USP46: variants seen among roughly 807,000 people sequenced by gnomAD.
USP46 encodes ubiquitin specific peptidase 46.
USP46 carries 12 observed loss-of-function variants against 44.4 expected under a neutral mutation model. The ratio of observed to expected loss-of-function variants is 0.27; its 90% CI spans 0.17 to 0.44. The LOEUF (loss-of-function observed/expected upper bound fraction) is 0.44, where lower values mean the gene tolerates loss of function less well. Ranked by LOEUF, USP46 falls within the 20% of genes least tolerant of loss-of-function variation. The probability of loss-of-function intolerance (pLI) is 1.00; values close to 1 mark genes in which losing one functional copy is unlikely to be tolerated. For synonymous variants in USP46, 155 were observed against 161.5 expected (o/e 0.96, Z 0.31); for missense variants, 248 against 444.8 (o/e 0.56, Z 3.98).
chr4:52,639,398 G>A (rs1007179372), intron 1 of USP46, among the ~76,000 whole-genome samples: 35 of 152,116 alleles, frequency 2.3e-4, no homozygotes, highest in African/African-American at 7.5e-4. Context: ...TTGAGGACTC[G>A]GGGTCCTTTT....
intron 4 of USP46, among the ~76,000 whole-genome samples, chr4:52,619,324 A>T (rs1717290369): frequency 6.6e-6 from 1 of 152,178 alleles, no homozygotes; most frequent in African/African-American, 2.4e-5. Context: ...AGAAAAAGAA[A>T]ATCATTGTTT....
intron 4 of USP46, among the ~76,000 whole-genome samples, chr4:52,611,331 A>G (rs556758620): frequency 2.0e-5 from 3 of 152,236 alleles, no homozygotes; most frequent in East Asian, 1.9e-4. Context: ...CTCACTCCAC[A>G]CTAATTCTAG....
At chr4:52,645,422 G>T (rs1718515937) in intron 1 of USP46, among the ~76,000 whole-genome samples, 1 of 152,080 alleles carries the variant, frequency 6.6e-6, no homozygotes. Context: ...TATATTTAGA[G>T]ATAACAAAAT....
intron 4 of USP46, among the ~76,000 whole-genome samples, chr4:52,619,331 G>C (rs1227643217): frequency 6.6e-6 from 1 of 151,912 alleles, no homozygotes; most frequent in Non-Finnish European, 1.5e-5. Flanking sequence ...GAAAATCATT[G>C]TTTTCTGAAA....
At position 52,591,292 on chromosome 4, in the gene USP46, T is replaced by C. The variant is rs997008379; in HGVS notation, c.*6348A>G. 6.6e-6 allele frequency: 1 copy of C among 152,314 alleles called. No homozygotes were observed. Among genetic ancestry groups the C allele is most frequent in the East Asian group, 1.9e-4 (1 of 5,190 alleles). The allele number at this position is 152,314 out of a possible 1,614,324, so 9.4% of individuals were successfully genotyped here. ...GAGGACTTGATCAAATACACAGAAA[T>C]AGTGGCTTCAATGATCAAGTTATTT... is the stretch of plus-strand genomic sequence containing the variant. On this transcript the variant is annotated 3_prime_UTR_variant, in exon 9 of 9. Coordinates refer to ENST00000441222, the MANE Select transcript of USP46 (RefSeq NM_022832.4).
intron 1 of USP46, chr4:52,655,329 T>A (rs1718911182): frequency 6.6e-6 from 1 of 152,234 alleles, no homozygotes; most frequent in Admixed American, 6.5e-5. Flanking sequence ...GTATAGTCTG[T>A]GCCAACACCA....
At chr4:52,600,046 C>A (rs1283357869) in intron 7 of USP46, among the ~76,000 whole-genome samples, 1 of 152,212 alleles carries the variant, frequency 6.6e-6, no homozygotes, top group African/African-American at 2.4e-5. Flanking sequence ...CATCTCCCTG[C>A]TTATTCCTGA....
intron 4 of USP46, among the ~76,000 whole-genome samples, chr4:52,618,739 C>A (rs893470657): frequency 6.6e-6 from 1 of 152,080 alleles, no homozygotes; most frequent in African/African-American, 2.4e-5. Context: ...CAACTACAAC[C>A]AATTTGAATG....
In USP46 at chr4:52,610,647, G is replaced by A. The variant is rs369707918; in HGVS notation, c.562-30C>T. The stretch of plus-strand genomic sequence containing the variant: ...AACAAAAAACAGAAACAATATATTA[G>A]GCATGAAATATGTAGTAGATAAAAC... On this transcript the variant is annotated intron_variant, in intron 4 of 8. Transcript: ENST00000441222. 3.1e-6 allele frequency: 5 copies of A among 1,602,288 alleles called. No individual in the cohort carries two copies. In the African/African-American group the frequency reaches 5.4e-5, roughly 17 times the overall value.
Position 52,593,454 on chromosome 4 carries a change from G to A in USP46, c.*4186C>T, listed in dbSNP as rs3733506. The A allele has an allele frequency of 0.14, 21,257 of 152,306 alleles. 1,518 individuals are homozygous for A. The highest frequency in any genetic ancestry group is 0.19 in the African/African-American group (7,928 of 41,498). 9.4% of individuals were successfully genotyped at this position (152,306 alleles called of 1,614,324 possible). ...CTTACTGGCACATTCCCTGCTCTTG[G>A]TCTATGAGGTTTTATTCCCATAATT... On this transcript the variant is annotated 3_prime_UTR_variant, in exon 9 of 9. Coordinates refer to ENST00000441222, the MANE Select transcript of USP46 (RefSeq NM_022832.4).
intron 1 of USP46, among the ~76,000 whole-genome samples, chr4:52,633,805 G>A (rs1455073525): frequency 6.6e-6 from 1 of 152,156 alleles, no homozygotes; most frequent in Non-Finnish European, 1.5e-5. Context: ...GCAACCCAGG[G>A]GTCAGTGTTC....
chr4:52,627,823 A>G, intron 3 of USP46, 127 bp downstream of exon 3: 1 of 1,043,640 alleles, frequency 9.6e-7, no homozygotes, highest in Non-Finnish European at 1.4e-6. Flanking sequence ...AAAAAATGAC[A>G]CCGAGTAGTT....
chr4:52,632,999 AAAG>A (rs1433081667), intron 1 of USP46, among the ~76,000 whole-genome samples: 85 of 125,158 alleles, frequency 6.8e-4, no homozygotes, highest in African/African-American at 2.7e-3. Context: ...GAAAAGAAAG[AAAG>A]AAAGAAAGAA....
chr4:52,657,228 T>C (rs532166742), intron 1 of USP46, among the ~76,000 whole-genome samples: 41 of 152,184 alleles, frequency 2.7e-4, no homozygotes, highest in African/African-American at 8.9e-4. Flanking sequence ...GGTCTCCACC[T>C]GAGATGTCAA....
At chr4:52,653,170 CT>C (rs1159812790) in intron 1 of USP46, among the ~76,000 whole-genome samples, 1 of 152,110 alleles carries the variant, frequency 6.6e-6, no homozygotes, top group African/African-American at 2.4e-5. Context: ...TCCAAAAACC[CT>C]TTACTGTTAG....
Position 52,595,556 on chromosome 4 carries a change from C to T in USP46, c.*2084G>A, listed in dbSNP as rs755974873. On this transcript the variant is annotated 3_prime_UTR_variant, in exon 9 of 9. Transcript: ENST00000441222. ...CTCTTTCTATTAAAAGGAATTACTT[C>T]GATTAAATAACTGGGAAAAACATTT... 4 of 152,076 alleles carry T rather than the reference C, an allele frequency of 2.6e-5. No homozygotes were observed. The highest frequency in any genetic ancestry group is 2.1e-4 in the South Asian group (1 of 4,814). 9.4% of individuals were successfully genotyped at this position (152,076 alleles called of 1,614,324 possible). A position where few individuals can be genotyped will look rare whatever the true frequency, so the allele number is the denominator to read the frequency against.
At chr4:52,642,624 C>T (rs1333719947) in intron 1 of USP46, among the ~76,000 whole-genome samples, 1 of 152,202 alleles carries the variant, frequency 6.6e-6, no homozygotes, top group Non-Finnish European at 1.5e-5. Context: ...GGAATCTCTA[C>T]AGAGTACTGG....
Position 52,594,740 on chromosome 4 carries a change from T to C in USP46, c.*2900A>G, listed in dbSNP as rs1259713287. The C allele has an allele frequency of 1.3e-5, 2 of 152,178 alleles. No homozygotes were observed. Among genetic ancestry groups the C allele is most frequent in the Non-Finnish European group, 2.9e-5 (2 of 68,020 alleles). The allele number at this position is 152,178 out of a possible 1,614,324, so 9.4% of individuals were successfully genotyped here. Reference sequence around the variant, plus strand: ...AAGGGTATCCATGAAAATAAATGCATAGGGATCATTTCTGACATTTTTCCC... The same window carrying C: ...AAGGGTATCCATGAAAATAAATGCACAGGGATCATTTCTGACATTTTTCCC... On this transcript the variant is annotated 3_prime_UTR_variant, in exon 9 of 9. Coordinates refer to ENST00000441222, the MANE Select transcript of USP46 (RefSeq NM_022832.4).
chr4:52,592,837 A>G lies in USP46; in HGVS notation c.*4803T>C. ...CTGGGTGACAGTGAGACTCCATCTTAAAAAAAAAAAAGGAAAGAAAAGTGT... is the reference window on the plus strand; with the variant it reads ...CTGGGTGACAGTGAGACTCCATCTTGAAAAAAAAAAAGGAAAGAAAAGTGT... On this transcript the variant is annotated 3_prime_UTR_variant, in exon 9 of 9. Transcript: ENST00000441222. 4 of 196,614 alleles carry G rather than the reference A, an allele frequency of 2.0e-5. No homozygotes were observed. 12.2% of individuals were successfully genotyped at this position (196,614 alleles called of 1,614,324 possible).
Sources: allele counts gnomAD v4.1 joint callset (sites outside exome capture counted in the v4.1 genomes callset), GRCh38; gene constraint gnomAD v4.1.1; transcripts MANE v1.5; gene names NCBI Gene and HGNC (gene_info 2026-07-23, HGNC 2026-07-21).